MAF: variants seen among roughly 807,000 people sequenced by gnomAD.
The protein encoded by MAF is transcription factor Maf.
In MAF, 10 loss-of-function variants were observed where a neutral mutation model predicts 22.0. The ratio of observed to expected loss-of-function variants is 0.45; its 90% confidence interval spans 0.28 to 0.77. The LOEUF is 0.77. Among genes scored for constraint, MAF ranks in the 30% least tolerant of loss-of-function variants. MAF has a pLI of 0.12. For synonymous variants in MAF, 337 were observed against 255.8 expected, an observed-to-expected ratio of 1.32 and a Z score of -3.03; for missense variants, 544 against 548.4, an observed-to-expected ratio of 0.99 and a Z score of 0.08.
Position 79,599,678 on chromosome 16 carries a change from C to A in MAF, c.225G>T (p.Ala75=), listed in dbSNP as rs773168392. The part of the protein sequence containing the change: ...SSVPPSPSFS[A]PSPGSGSEQK... ...GCTCGCTGCCCGAGCCCGGGCTGGGCGCCGAGAAGCTGGGGGAAGGGGGCA... is the reference window on the plus strand; with the variant it reads ...GCTCGCTGCCCGAGCCCGGGCTGGGAGCCGAGAAGCTGGGGGAAGGGGGCA... The change falls in exon 1 of 2, where the codon GCG becomes GCT. Residue 75 remains alanine, a synonymous_variant. Transcript: ENST00000326043. The A allele has an allele frequency of 6.2e-7, 1 of 1,611,866 alleles. No individual in the cohort carries two copies.
the MAF span, among the ~76,000 whole-genome samples, chr16:79,469,097 C>T: frequency 3.3e-5 from 5 of 152,194 alleles, no homozygotes; most frequent in Admixed American, 1.3e-4. Flanking sequence ...CCAACTCATG[C>T]GTTCCTCTAA....
At chr16:79,273,212 C>T in the MAF span, among the ~76,000 whole-genome samples, 1 of 152,154 alleles carries the variant, frequency 6.6e-6, no homozygotes, top group Non-Finnish European at 1.5e-5. Context: ...CCTCCTCTGG[C>T]CCCAACCCCG....
At chr16:79,505,059 G>C in the MAF span, among the ~76,000 whole-genome samples, 2 of 152,116 alleles carry the variant, frequency 1.3e-5, no homozygotes, top group African/African-American at 4.8e-5. Context: ...GGATGACTGA[G>C]AACAGCCTTG....
At chr16:79,209,605 C>T in the MAF span, among the ~76,000 whole-genome samples, 12 of 152,170 alleles carry the variant, frequency 7.9e-5, no homozygotes, top group African/African-American at 2.9e-4. Context: ...GTCGTTTTGG[C>T]AGCTGCAAGG....
chr16:79,573,198 T>C, the MAF span, among the ~76,000 whole-genome samples: 262 of 152,358 alleles, frequency 1.7e-3, 3 homozygotes, highest in African/African-American at 6.1e-3. Context: ...GTTGCAACTT[T>C]CCCCACTTAG....
chr16:79,478,160 C>G, the MAF span, among the ~76,000 whole-genome samples: 6 of 152,194 alleles, frequency 3.9e-5, no homozygotes, highest in African/African-American at 1.4e-4. Context: ...CAAACTTTGT[C>G]AATATTTCCA....
chr16:79,527,339 C>A, the MAF span, among the ~76,000 whole-genome samples: 1 of 152,140 alleles, frequency 6.6e-6, no homozygotes, highest in East Asian at 1.9e-4. Flanking sequence ...TCTAAATAAC[C>A]TCAAAAAGAA....
At chr16:79,220,422 G>T in the MAF span, among the ~76,000 whole-genome samples, 1 of 152,010 alleles carries the variant, frequency 6.6e-6, no homozygotes, top group Non-Finnish European at 1.5e-5. Flanking sequence ...CATGTATCTT[G>T]TAGTTTTCAT....
the MAF span, among the ~76,000 whole-genome samples, chr16:79,437,976 G>A: frequency 6.6e-6 from 1 of 152,222 alleles, no homozygotes; most frequent in Non-Finnish European, 1.5e-5. Context: ...GGAGACAGGA[G>A]TCGGCCCCAG....
the MAF span, among the ~76,000 whole-genome samples, chr16:79,349,516 C>A: frequency 1.4e-3 from 208 of 152,302 alleles, no homozygotes; most frequent in Middle Eastern, 3.4e-3. Flanking sequence ...ACAACCCATT[C>A]GGGTTTCACT....
At chr16:79,497,723 T>C in the MAF span, among the ~76,000 whole-genome samples, 2 of 152,170 alleles carry the variant, frequency 1.3e-5, no homozygotes, top group Non-Finnish European at 2.9e-5. Flanking sequence ...AAGAAATGCA[T>C]AGTCATGAAT....
At chr16:79,212,119 T>G in the MAF span, 1 of 1,534,246 alleles carries the variant, frequency 6.5e-7, no homozygotes, top group Non-Finnish European at 8.7e-7. Context: ...TCTTTTACTG[T>G]TATAGAATAG....
the MAF span, among the ~76,000 whole-genome samples, chr16:79,210,098 T>A: frequency 1.3e-5 from 2 of 152,118 alleles, no homozygotes; most frequent in African/African-American, 2.4e-5. Flanking sequence ...AGCAGCCAGT[T>A]ATTATCAAAA....
chr16:79,550,018 C>G, the MAF span, among the ~76,000 whole-genome samples: 1 of 152,136 alleles, frequency 6.6e-6, no homozygotes, highest in South Asian at 2.1e-4. Flanking sequence ...GGAGAAGCTT[C>G]TTTCTGTCAC....
chr16:79,278,234 G>C, the MAF span, among the ~76,000 whole-genome samples: 1 of 152,238 alleles, frequency 6.6e-6, no homozygotes, highest in Non-Finnish European at 1.5e-5. Flanking sequence ...AAAAAGGGCA[G>C]GTTAGATGGC....
the MAF span, among the ~76,000 whole-genome samples, chr16:79,304,206 G>T: frequency 2.6e-5 from 4 of 152,116 alleles, no homozygotes. Flanking sequence ...GTGACCTGTC[G>T]CACCCTGGCA....
At chr16:79,244,172 C>T in the MAF span, among the ~76,000 whole-genome samples, 1 of 152,196 alleles carries the variant, frequency 6.6e-6, no homozygotes, top group East Asian at 1.9e-4. Context: ...AGGATGACCT[C>T]TCTCATTGCT....
At chr16:79,348,447 A>T in the MAF span, among the ~76,000 whole-genome samples, 1 of 152,242 alleles carries the variant, frequency 6.6e-6, no homozygotes, top group Non-Finnish European at 1.5e-5. Context: ...CCATTTCCTT[A>T]AAGATACAGT....
the MAF span, among the ~76,000 whole-genome samples, chr16:79,354,907 T>C: frequency 1.3e-5 from 2 of 152,102 alleles, no homozygotes; most frequent in Admixed American, 6.5e-5. Flanking sequence ...AGAGATAGTG[T>C]CAGATTAGAA....
Sources: gnomAD v4.1 joint callset for allele counts (sites outside exome capture counted in the v4.1 genomes callset) on GRCh38, gnomAD v4.1.1 for gene constraint, MANE v1.5 for transcripts, NCBI Gene and HGNC (gene_info 2026-07-23, HGNC 2026-07-21) for gene names.